The following BMP6 variants were observed in gnomAD, a reference collection of about 807,000 sequenced individuals.
BMP6 encodes the protein VG-1-R.
A neutral mutation model predicts 54.1 loss-of-function variants in BMP6; 17 were observed. The ratio of observed to expected loss-of-function variants is 0.31; its 90% CI spans 0.22 to 0.47. BMP6 has a LOEUF of 0.47. BMP6 is among the 20% of genes least tolerant of loss of function. The probability of loss-of-function intolerance (pLI) is 1.00; values close to 1 mark genes in which losing one functional copy is unlikely to be tolerated. For synonymous variants in BMP6, 328 were observed against 291.2 expected (o/e 1.13, Z -1.28); for missense variants, 720 against 690.4 (o/e 1.04, Z -0.48).
At chr6:7,755,066 T>C (rs1282005140) in intron 1 of BMP6, among the ~76,000 whole-genome samples, 1 of 152,232 alleles carries the variant, frequency 6.6e-6, no homozygotes, top group African/African-American at 2.4e-5. Flanking sequence ...CTTTAGTCTT[T>C]ATATATAAAG....
At chr6:7,792,304 C>T (rs751112190) in intron 1 of BMP6, among the ~76,000 whole-genome samples, 3 of 152,210 alleles carry the variant, frequency 2.0e-5, no homozygotes, top group Non-Finnish European at 4.4e-5. Context: ...CTATAAAACA[C>T]CTTCACAGCA....
chr6:7,755,310 T>A (rs1757497977), intron 1 of BMP6, among the ~76,000 whole-genome samples: 1 of 152,212 alleles, frequency 6.6e-6, no homozygotes, highest in African/African-American at 2.4e-5. Flanking sequence ...TGATTTTATT[T>A]TATTTCCACT....
At chr6:7,818,055 A>C (rs1232453630) in intron 1 of BMP6, among the ~76,000 whole-genome samples, 1 of 152,242 alleles carries the variant, frequency 6.6e-6, no homozygotes, top group East Asian at 1.9e-4. Flanking sequence ...TTTAAAAAGC[A>C]TAAAATAGAC....
At chr6:7,846,724 G>A (rs1188902808) in intron 2 of BMP6, among the ~76,000 whole-genome samples, 1 of 152,162 alleles carries the variant, frequency 6.6e-6, no homozygotes, top group East Asian at 1.9e-4. Flanking sequence ...AATATATTCA[G>A]TGGCTATACT....
chr6:7,856,140 AAAAAT>A (rs1464455956), intron 2 of BMP6, among the ~76,000 whole-genome samples: 1 of 150,254 alleles, frequency 6.7e-6, no homozygotes, highest in Non-Finnish European at 1.5e-5. Context: ...AAAAAAAAAA[AAAAAT>A]GCAAGTGTAG....
At chr6:7,816,100 C>G (rs566521687) in intron 1 of BMP6, among the ~76,000 whole-genome samples, 79 of 152,124 alleles carry the variant, frequency 5.2e-4, no homozygotes, top group Non-Finnish European at 1.1e-3. Flanking sequence ...TAAGGAAGTC[C>G]GGTCTCCTAG....
At chr6:7,863,846 C>T (rs1759374996) in intron 4 of BMP6, among the ~76,000 whole-genome samples, 1 of 152,004 alleles carries the variant, frequency 6.6e-6, no homozygotes, top group Non-Finnish European at 1.5e-5. Context: ...TGGTGAAACC[C>T]CATCCCTACT....
intron 1 of BMP6, among the ~76,000 whole-genome samples, chr6:7,762,712 A>G (rs1375194756): frequency 4.6e-5 from 7 of 152,330 alleles, no homozygotes; most frequent in Admixed American, 3.9e-4. Context: ...ATGCAACTCA[A>G]TGTGCATGTC....
At chr6:7,752,230 A>G (rs1018180811) in intron 1 of BMP6, among the ~76,000 whole-genome samples, 1 of 152,244 alleles carries the variant, frequency 6.6e-6, no homozygotes, top group Non-Finnish European at 1.5e-5. Flanking sequence ...ACTTCAACAA[A>G]CAGACATGGC....
intron 4 of BMP6, among the ~76,000 whole-genome samples, chr6:7,877,376 C>G (rs1478999911): frequency 6.6e-6 from 1 of 152,078 alleles, no homozygotes; most frequent in African/African-American, 2.4e-5. Flanking sequence ...AATCTCAGCA[C>G]TCTGGGAGGC....
chr6:7,818,758 A>G (rs1434934337), intron 1 of BMP6, among the ~76,000 whole-genome samples: 2 of 152,226 alleles, frequency 1.3e-5, no homozygotes, highest in African/African-American at 4.8e-5. Context: ...AGCCACCTAC[A>G]ATCTGACGTC....
intron 1 of BMP6, among the ~76,000 whole-genome samples, chr6:7,769,497 GT>G (rs1757750657): frequency 6.6e-6 from 1 of 152,180 alleles, no homozygotes; most frequent in South Asian, 2.1e-4. Context: ...CTGCACAGGT[GT>G]ATTTGACCTT....
At chr6:7,833,815 CAT>C (rs1758828770) in intron 1 of BMP6, among the ~76,000 whole-genome samples, 1 of 152,192 alleles carries the variant, frequency 6.6e-6, no homozygotes, top group African/African-American at 2.4e-5. Flanking sequence ...ATGTGTCCCA[CAT>C]GTTATTTTCC....
intron 1 of BMP6, among the ~76,000 whole-genome samples, chr6:7,777,175 A>G (rs1444979288): frequency 6.6e-6 from 1 of 152,202 alleles, no homozygotes; most frequent in African/African-American, 2.4e-5. Flanking sequence ...TGGAACTGGC[A>G]GGTGCCTTCT....
chr6:7,742,086 CTG>C (rs772407408), intron 1 of BMP6, among the ~76,000 whole-genome samples: 3 of 152,168 alleles, frequency 2.0e-5, no homozygotes, highest in Non-Finnish European at 2.9e-5. Flanking sequence ...GAATTACAAA[CTG>C]TGAAGCATGT....
chr6:7,754,221 G>A (rs1404090997), intron 1 of BMP6, among the ~76,000 whole-genome samples: 2 of 152,122 alleles, frequency 1.3e-5, no homozygotes, highest in Admixed American at 6.5e-5. Context: ...GGGCTCAAGC[G>A]ATCCTCCCAT....
At chr6:7,811,609 G>A (rs547419080) in intron 1 of BMP6, among the ~76,000 whole-genome samples, 7 of 152,306 alleles carry the variant, frequency 4.6e-5, no homozygotes, top group African/African-American at 1.7e-4. Flanking sequence ...CTGAAATGGG[G>A]CCTAAGTTCA....
intron 1 of BMP6, among the ~76,000 whole-genome samples, chr6:7,832,629 T>C (rs144292535): frequency 0.02 from 3,076 of 151,840 alleles, 48 homozygotes; most frequent in Middle Eastern, 0.078. Context: ...CTGTTAAAAC[T>C]GAGTGAAAAC....
chr6:7,852,538 C>T (rs1349490210), intron 2 of BMP6, among the ~76,000 whole-genome samples: 1 of 152,220 alleles, frequency 6.6e-6, no homozygotes, highest in Non-Finnish European at 1.5e-5. Flanking sequence ...GATTGCACCA[C>T]TGCGCTCTAT....
Sources: gnomAD v4.1 joint callset for allele counts (sites outside exome capture counted in the v4.1 genomes callset) on GRCh38, gnomAD v4.1.1 for gene constraint, MANE v1.5 for transcripts, NCBI Gene and HGNC (gene_info 2026-07-23, HGNC 2026-07-21) for gene names.